The following DPP6 variants were observed in gnomAD, a reference collection of about 807,000 sequenced individuals.
DPP6 encodes the protein dipeptidyl peptidase like 6, also known as A-type potassium channel modulatory protein DPP6.
A neutral mutation model predicts 122.6 loss-of-function variants in DPP6; 69 were observed. That is an observed-to-expected ratio of 0.56 (90% CI 0.46 to 0.69). The LOEUF (loss-of-function observed/expected upper bound fraction) is 0.69, where lower values mean the gene tolerates loss of function less well. Among genes scored for constraint, DPP6 ranks in the 30% least tolerant of loss-of-function variants. The pLI, the probability that DPP6 is intolerant of heterozygous loss-of-function variation, is 0.00. For synonymous variants in DPP6, 418 were observed against 433.1 expected, an observed-to-expected ratio of 0.97 and a Z score of 0.43; for missense variants, 928 against 1,116.9, an observed-to-expected ratio of 0.83 and a Z score of 2.41.
chr7:153,966,614 A>C (rs1164174310), intron 1 of DPP6, among the ~76,000 whole-genome samples: 1 of 48,004 alleles, frequency 2.1e-5, no homozygotes, highest in Admixed American at 2.2e-4. Context: ...TTTTTTTAAA[A>C]AATTATACTT....
At chr7:154,202,363 G>C (rs183555379) in intron 1 of DPP6, among the ~76,000 whole-genome samples, 48 of 152,262 alleles carry the variant, frequency 3.2e-4, no homozygotes, top group Non-Finnish European at 2.2e-4. Context: ...GACAACCATG[G>C]CCAGCTCCTA....
At chr7:153,762,413 A>G in the DPP6 span, among the ~76,000 whole-genome samples, 5 of 152,204 alleles carry the variant, frequency 3.3e-5, no homozygotes, top group Admixed American at 2.0e-4. Flanking sequence ...TCAACTGCCA[A>G]TTGGACATCT....
chr7:153,816,694 A>G, the DPP6 span, among the ~76,000 whole-genome samples: 368 of 152,292 alleles, frequency 2.4e-3, no homozygotes, highest in Admixed American at 3.8e-3. Context: ...ACAGGATCAC[A>G]TTAATAAACA....
chr7:154,845,460 C>T (rs1221929886), intron 16 of DPP6, among the ~76,000 whole-genome samples: 4 of 151,934 alleles, frequency 2.6e-5, no homozygotes, highest in East Asian at 1.9e-4. Flanking sequence ...TTAAAGTGGA[C>T]GAAGGATGAG....
chr7:154,469,318 T>C (rs117973197), intron 2 of DPP6, among the ~76,000 whole-genome samples: 2,553 of 152,324 alleles, frequency 0.017, 31 homozygotes, highest in Non-Finnish European at 0.024. Flanking sequence ...GTTATTTTGT[T>C]TCTTACATTT....
Position 154,480,018 on chromosome 7 carries a change from C to T in DPP6, c.457+4981C>T, listed in dbSNP as rs1563736535. Among the ~76,000 whole-genome samples, 5 of 152,094 alleles carry T rather than the reference C, an allele frequency of 3.3e-5. No individual in the cohort carries two copies. The South Asian group carries it at 1.0e-3, about 32-fold the overall frequency. On this transcript the variant is annotated intron_variant, in intron 3 of 25. Transcript: ENST00000377770. ...GGCTCTTCCTGCACCACTCCCACCC[C>T]GCCCCTGCCCCGCCCCACAGGTGAC...
the DPP6 span, among the ~76,000 whole-genome samples, chr7:153,848,285 C>A: frequency 6.6e-6 from 1 of 150,962 alleles, no homozygotes; most frequent in African/African-American, 2.4e-5. Context: ...GTCCTCACCC[C>A]GCTCCCCGAG....
intron 7 of DPP6, among the ~76,000 whole-genome samples, chr7:154,714,624 C>A (rs1841377734): frequency 6.6e-6 from 1 of 152,082 alleles, no homozygotes; most frequent in South Asian, 2.1e-4. Context: ...GGGGAAACTG[C>A]CCCATGATTC....
chr7:154,116,424 T>C (rs1806989793), intron 1 of DPP6, among the ~76,000 whole-genome samples: 2 of 152,242 alleles, frequency 1.3e-5, no homozygotes, highest in Admixed American at 1.3e-4. Context: ...TGGCCTTGAT[T>C]ACTGCACAAT....
intron 1 of DPP6, among the ~76,000 whole-genome samples, chr7:154,385,358 A>G (rs911997152): frequency 1.3e-5 from 2 of 152,156 alleles, no homozygotes; most frequent in African/African-American, 4.8e-5. Context: ...TTGTGAATCA[A>G]GTTCTTCAGG....
At chr7:154,060,422 C>G (rs374022260) in intron 1 of DPP6, among the ~76,000 whole-genome samples, 1 of 117,520 alleles carries the variant, frequency 8.5e-6, no homozygotes, top group African/African-American at 3.6e-5. Context: ...GGGGAGGCAC[C>G]CCCCGCGAGG....
At position 154,727,945 on chromosome 7, in the gene DPP6, G is replaced by A. The variant is rs1842150094; in HGVS notation, c.883+58G>A. The stretch of plus-strand genomic sequence containing the variant: ...TTGTGGTTGCTGCTGCTGCTACATT[G>A]GAGTTGGGTTCTTTTTCATTTTTCT... On this transcript the variant is annotated intron_variant, in intron 8 of 25. Coordinates refer to ENST00000377770, the MANE Select transcript of DPP6 (RefSeq NM_130797.4). 2.7e-6 allele frequency: 4 copies of A among 1,500,984 alleles called. No individual in the cohort carries two copies. In the East Asian group the frequency reaches 9.4e-5, roughly 35 times the overall value. The allele number at this position is 1,500,984 out of a possible 1,614,324, so 93.0% of individuals were successfully genotyped here.
At chr7:154,531,636 AT>A (rs1274415298) in intron 3 of DPP6, among the ~76,000 whole-genome samples, 2 of 152,196 alleles carry the variant, frequency 1.3e-5, no homozygotes, top group Middle Eastern at 3.4e-3. Flanking sequence ...TGCAAAAGAC[AT>A]TTTTTTCTTT....
At chr7:154,267,491 TACAC>T (rs537151747) in intron 1 of DPP6, among the ~76,000 whole-genome samples, 2 of 150,514 alleles carry the variant, frequency 1.3e-5, no homozygotes, top group African/African-American at 4.9e-5. Flanking sequence ...TACACATGTG[TACAC>T]ACACACATAT....
intron 10 of DPP6, among the ~76,000 whole-genome samples, chr7:154,787,461 C>A (rs947412322): frequency 6.6e-6 from 1 of 152,212 alleles, no homozygotes; most frequent in Admixed American, 6.5e-5. Context: ...CTGTCCACTA[C>A]TGATGGTTGC....
intron 1 of DPP6, among the ~76,000 whole-genome samples, chr7:154,385,633 A>C (rs1199008863): frequency 6.6e-6 from 1 of 152,178 alleles, no homozygotes; most frequent in African/African-American, 2.4e-5. Flanking sequence ...CCTGGCTGGC[A>C]CAGGCCATGA....
At chr7:154,741,059 G>A (rs769364273) in intron 8 of DPP6, among the ~76,000 whole-genome samples, 10 of 152,192 alleles carry the variant, frequency 6.6e-5, no homozygotes, top group Non-Finnish European at 1.3e-4. Flanking sequence ...GCGTGGAGAG[G>A]ACATACCCTT....
intron 1 of DPP6, among the ~76,000 whole-genome samples, chr7:154,169,272 T>C (rs183931796): frequency 1.3e-5 from 2 of 152,170 alleles, no homozygotes; most frequent in African/African-American, 4.8e-5. Flanking sequence ...AAGCAATCCC[T>C]GAAGCTGGAG....
chr7:154,832,554 G>A (rs76348311), intron 16 of DPP6, among the ~76,000 whole-genome samples: 13 of 152,170 alleles, frequency 8.5e-5, no homozygotes, highest in East Asian at 3.9e-4. Flanking sequence ...TAAGACACTC[G>A]TTACGTCTCA....
Sources: allele counts gnomAD v4.1 joint callset (sites outside exome capture counted in the v4.1 genomes callset), GRCh38; gene constraint gnomAD v4.1.1; transcripts MANE v1.5; gene names NCBI Gene and HGNC (gene_info 2026-07-23, HGNC 2026-07-21).